Variants in GRID1 observed in about 807,000 individuals in gnomAD.
The protein encoded by GRID1 is glutamate receptor ionotropic, delta-1.
In GRID1, 28 loss-of-function variants were observed where a neutral mutation model predicts 98.0. The ratio of observed to expected loss-of-function variants is 0.29; its 90% CI spans 0.21 to 0.39. The LOEUF (loss-of-function observed/expected upper bound fraction) is 0.39, where lower values mean the gene tolerates loss of function less well. GRID1 is among the 10% of genes least tolerant of loss of function. The pLI, the probability that GRID1 is intolerant of heterozygous loss-of-function variation, is 1.00. For missense variants in GRID1, 1,111 were observed against 1,340.5 expected (o/e 0.83, Z 2.67); for synonymous variants, 553 against 538.5 (o/e 1.03, Z -0.37).
intron 2 of GRID1, among the ~76,000 whole-genome samples, chr10:86,267,246 G>T (rs1847117734): frequency 6.6e-6 from 1 of 152,244 alleles, no homozygotes; most frequent in African/African-American, 2.4e-5. Flanking sequence ...GCAGCTTGCA[G>T]CTGAAAGTCA....
chr10:86,157,327 G>A (rs1845260266), intron 3 of GRID1, among the ~76,000 whole-genome samples: 1 of 152,166 alleles, frequency 6.6e-6, no homozygotes, highest in South Asian at 2.1e-4. Context: ...GAGATACAGA[G>A]CAAGACAGAA....
At chr10:86,285,486 A>AAATG (rs1185716313) in intron 2 of GRID1, among the ~76,000 whole-genome samples, 1 of 152,206 alleles carries the variant, frequency 6.6e-6, no homozygotes, top group African/African-American at 2.4e-5. Context: ...CATGCTGTTT[A>AAATG]AATGCCCCAG....
At chr10:86,176,400 G>A (rs35964899) in intron 3 of GRID1, among the ~76,000 whole-genome samples, 16,365 of 152,260 alleles carry the variant, frequency 0.11, 1,276 homozygotes, top group African/African-American at 0.22. Context: ...CATGGCACGA[G>A]GTGAAAGAAA....
intron 13 of GRID1, among the ~76,000 whole-genome samples, chr10:85,634,217 TG>T (rs1843007195): frequency 7.1e-6 from 1 of 141,332 alleles, no homozygotes; most frequent in Non-Finnish European, 1.5e-5. Context: ...ATAGGGGTAG[TG>T]GGGGAATTCC....
At chr10:85,693,628 C>T (rs767135942) in intron 12 of GRID1, among the ~76,000 whole-genome samples, 18 of 151,990 alleles carry the variant, frequency 1.2e-4, no homozygotes, top group Non-Finnish European at 2.5e-4. Context: ...GGAAATAAAG[C>T]CACATATCTA....
intron 4 of GRID1, among the ~76,000 whole-genome samples, chr10:85,972,441 T>G (rs1688855578): frequency 6.7e-6 from 1 of 148,244 alleles, no homozygotes; most frequent in South Asian, 2.1e-4. Flanking sequence ...TTTATATAAC[T>G]ATATTAAATA....
intron 2 of GRID1, among the ~76,000 whole-genome samples, chr10:86,262,625 G>T (rs1405314555): frequency 2.0e-5 from 3 of 152,176 alleles, no homozygotes; most frequent in Admixed American, 6.5e-5. Context: ...TGTTAGGAAG[G>T]GCCCCTTCCC....
intron 13 of GRID1, among the ~76,000 whole-genome samples, chr10:85,638,046 A>T (rs1480451301): frequency 2.6e-5 from 4 of 152,248 alleles, no homozygotes; most frequent in African/African-American, 7.2e-5. Context: ...AGGAAAGAAA[A>T]CAAGTGTAAA....
chr10:85,801,083 TAAC>T (rs1419420813), intron 8 of GRID1, among the ~76,000 whole-genome samples: 1 of 152,006 alleles, frequency 6.6e-6, no homozygotes, highest in Non-Finnish European at 1.5e-5. Flanking sequence ...GTGACATAAT[TAAC>T]AACAGAGTAA....
intron 2 of GRID1, among the ~76,000 whole-genome samples, chr10:86,253,649 G>T (rs1846871372): frequency 6.6e-6 from 1 of 152,150 alleles, no homozygotes; most frequent in South Asian, 2.1e-4. Flanking sequence ...GGACAAGAAG[G>T]CCAGGCCCCG....
chr10:86,034,110 T>A (rs1427210134), intron 4 of GRID1, among the ~76,000 whole-genome samples: 1 of 152,178 alleles, frequency 6.6e-6, no homozygotes, highest in African/African-American at 2.4e-5. Context: ...TCCCGCTATG[T>A]TGTTAATATT....
intron 4 of GRID1, among the ~76,000 whole-genome samples, chr10:86,003,049 GC>G (rs1842819565): frequency 6.6e-6 from 1 of 152,064 alleles, no homozygotes; most frequent in Non-Finnish European, 1.5e-5. Context: ...ACCCACAAGA[GC>G]AAAAAAGGGC....
At chr10:86,015,638 G>A (rs1314612136) in intron 4 of GRID1, among the ~76,000 whole-genome samples, 1 of 152,174 alleles carries the variant, frequency 6.6e-6, no homozygotes, top group African/African-American at 2.4e-5. Context: ...CCCTACTGTG[G>A]CTGAGGGGAT....
chr10:86,097,233 G>A (rs1357241904), intron 4 of GRID1, among the ~76,000 whole-genome samples: 1 of 152,210 alleles, frequency 6.6e-6, no homozygotes, highest in Non-Finnish European at 1.5e-5. Flanking sequence ...ATAATCATGT[G>A]AGCCAATCCC....
At chr10:85,879,208 T>A (rs945712565) in intron 5 of GRID1, among the ~76,000 whole-genome samples, 16 of 152,118 alleles carry the variant, frequency 1.1e-4, no homozygotes, top group African/African-American at 3.4e-4. Context: ...ATTAGACAGA[T>A]CAACGAGACA....
At chr10:85,620,165 C>A in intron 13 of GRID1, 132 bp from the exon 14 acceptor site, 1 of 683,162 alleles carries the variant, frequency 1.5e-6, no homozygotes, top group Non-Finnish European at 2.5e-6. Context: ...GACAGCACAG[C>A]AACTCTGCTA....
rs1841738511 is a variant in GRID1 at position 85,724,425 on chromosome 10, G to C, written c.1785C>G (p.Ala595=). The change falls in exon 11 of 16, where the codon GCC becomes GCG. Residue 595 remains alanine, a synonymous_variant. Coordinates refer to ENST00000327946, the MANE Select transcript of GRID1 (RefSeq NM_017551.3). ...RIQAVRAQSA[A]QPRPSASATL... ...TGGCAGAAGCTGACGGCCTGGGCTG[G>C]GCAGCACTCTGAGCCCTCACAGCCT... 6.2e-7 allele frequency: 1 copy of C among 1,614,072 alleles called. No individual in the cohort carries two copies. Among genetic ancestry groups the C allele is most frequent in the East Asian group, 2.2e-5 (1 of 44,862 alleles).
chr10:85,793,874 A>C (rs1157708134), intron 8 of GRID1, among the ~76,000 whole-genome samples: 1 of 152,222 alleles, frequency 6.6e-6, no homozygotes, highest in Non-Finnish European at 1.5e-5. Flanking sequence ...TCCTACCAGG[A>C]ATGACAACAA....
intron 8 of GRID1, among the ~76,000 whole-genome samples, chr10:85,741,922 A>G (rs1235175686): frequency 6.6e-6 from 1 of 152,072 alleles, no homozygotes; most frequent in African/African-American, 2.4e-5. Flanking sequence ...AATAAATCTT[A>G]TCTCTGACAT....
Sources: gnomAD v4.1 joint callset for allele counts (sites outside exome capture counted in the v4.1 genomes callset) on GRCh38, gnomAD v4.1.1 for gene constraint, MANE v1.5 for transcripts, NCBI Gene and HGNC (gene_info 2026-07-23, HGNC 2026-07-21) for gene names.